Variants in TBC1D22A observed in about 807,000 individuals in gnomAD.
The protein encoded by TBC1D22A is TBC1 domain family member 22A, also known as putative GTPase activator.
In TBC1D22A, 38 loss-of-function variants were observed where a neutral mutation model predicts 60.2. The ratio of observed to expected loss-of-function variants is 0.63; its 90% confidence interval spans 0.49 to 0.83. TBC1D22A has a LOEUF of 0.83. Among genes scored for constraint, TBC1D22A ranks in the 40% least tolerant of loss-of-function variants. The pLI is 0.00. For missense variants in TBC1D22A, 628 were observed against 701.0 expected (o/e 0.90, Z 1.18); for synonymous variants, 302 against 281.7 (o/e 1.07, Z -0.72).
chr22:46,826,947 T>G (rs1191728239), intron 4 of TBC1D22A, among the ~76,000 whole-genome samples: 1 of 149,864 alleles, frequency 6.7e-6, no homozygotes, highest in African/African-American at 2.4e-5. Flanking sequence ...TAGTTTCCGT[T>G]TTTTTTTTTT....
Position 46,956,550 on chromosome 22 carries a change from A to G in TBC1D22A, c.1016-17740A>G, listed in dbSNP as rs2073202551. Among the ~76,000 whole-genome samples the G allele has an allele frequency of 4.6e-5, 7 of 152,348 alleles. 1 individual carries two copies. The South Asian group carries it at 1.5e-3, about 32-fold the overall frequency. ...ATAGAGAGACTTAGAAGAAGCAGAG[A>G]GAAGCCACTTCCTTTTCAGGGGTCA... On this transcript the variant is annotated intron_variant, in intron 8 of 12. Transcript: ENST00000337137.
chr22:46,776,939 C>CT (rs2083731788), intron 1 of TBC1D22A, among the ~76,000 whole-genome samples: 1 of 151,924 alleles, frequency 6.6e-6, no homozygotes, highest in African/African-American at 2.4e-5. Flanking sequence ...GACCCATCCT[C>CT]TGATGGGCAC....
At chr22:46,862,955 G>A (rs1455411522) in intron 4 of TBC1D22A, among the ~76,000 whole-genome samples, 7 of 152,224 alleles carry the variant, frequency 4.6e-5, no homozygotes, top group African/African-American at 1.7e-4. Context: ...CCTGTAGGTA[G>A]AGTGTCTCTG....
intron 11 of TBC1D22A, among the ~76,000 whole-genome samples, chr22:47,093,640 A>AC (rs1277155577): frequency 6.6e-6 from 1 of 152,180 alleles, no homozygotes; most frequent in East Asian, 1.9e-4. Flanking sequence ...GGACCTAGGA[A>AC]CACAGCCCTG....
chr22:46,907,580 ATCCTCGCCTCCACCG>A (rs1209850812), intron 7 of TBC1D22A, among the ~76,000 whole-genome samples: 16 of 152,264 alleles, frequency 1.1e-4, no homozygotes, highest in Middle Eastern at 3.4e-3. Context: ...CAGCTGCGCC[ATCCTCGCCTCCACCG>A]TCCTCGCCTC....
At chr22:47,004,056 C>G (rs1393175034) in intron 10 of TBC1D22A, among the ~76,000 whole-genome samples, 1 of 149,120 alleles carries the variant, frequency 6.7e-6, no homozygotes, top group Non-Finnish European at 1.5e-5. Context: ...CCTATATACA[C>G]ACACCCCTAC....
chr22:46,858,135 C>T (rs1032212926), intron 4 of TBC1D22A, among the ~76,000 whole-genome samples: 4 of 152,190 alleles, frequency 2.6e-5, no homozygotes, highest in African/African-American at 9.7e-5. Context: ...AACATTGTCA[C>T]CATCCTTCTG....
chr22:46,935,415 G>A (rs575111950), intron 8 of TBC1D22A, among the ~76,000 whole-genome samples: 3 of 152,260 alleles, frequency 2.0e-5, no homozygotes, highest in African/African-American at 7.2e-5. Flanking sequence ...TACTGAGTTC[G>A]CACAGTGAAT....
intron 8 of TBC1D22A, chr22:46,915,947 T>G: frequency 2.3e-6 from 1 of 443,466 alleles, no homozygotes; most frequent in South Asian, 1.6e-5. Flanking sequence ...CAGTGTTACG[T>G]TCTTTGACTT....
intron 1 of TBC1D22A, among the ~76,000 whole-genome samples, chr22:46,788,097 CG>C (rs1348615963): frequency 6.6e-6 from 1 of 151,956 alleles, no homozygotes; most frequent in Non-Finnish European, 1.5e-5. Context: ...CCACCACGAC[CG>C]GGTAATTTTT....
chr22:46,960,988 C>T (rs1333240783), intron 8 of TBC1D22A, among the ~76,000 whole-genome samples: 8 of 146,848 alleles, frequency 5.4e-5, no homozygotes, highest in African/African-American at 2.0e-4. Flanking sequence ...GATACCCAGT[C>T]CGTAGCTAAG....
At position 46,985,658 on chromosome 22, in the gene TBC1D22A, G is replaced by C. The variant is rs2074695125; in HGVS notation, c.1125+11259G>C. ...TCTATCACAGTTTATCCATCCTCCT[G>C]TTGGTGGCAGCCGAGGCTGTTTCTG... On this transcript the variant is annotated intron_variant, in intron 9 of 12. Transcript: ENST00000337137. Among the ~76,000 whole-genome samples, 3 of 152,308 alleles carry C rather than the reference G, an allele frequency of 2.0e-5. No homozygotes were observed. The South Asian group carries it at 6.2e-4, about 32-fold the overall frequency.
At chr22:47,096,359 T>C (rs1263144793) in intron 11 of TBC1D22A, among the ~76,000 whole-genome samples, 1 of 152,194 alleles carries the variant, frequency 6.6e-6, no homozygotes. Context: ...TTGTGGATTC[T>C]TTGGAGGATT....
intron 12 of TBC1D22A, among the ~76,000 whole-genome samples, chr22:47,153,272 AGTCATGTG>A (rs1225911905): frequency 6.6e-6 from 1 of 152,186 alleles, no homozygotes; most frequent in East Asian, 1.9e-4. Context: ...TCATGAACTG[AGTCATGTG>A]GTCATATCTG....
intron 11 of TBC1D22A, among the ~76,000 whole-genome samples, chr22:47,098,471 C>T (rs1376860614): frequency 6.6e-6 from 1 of 152,228 alleles, no homozygotes; most frequent in Non-Finnish European, 1.5e-5. Context: ...AGGAACTGGA[C>T]ACTCTTCCCT....
At chr22:46,865,276 A>G (rs183797878) in intron 4 of TBC1D22A, among the ~76,000 whole-genome samples, 168 of 152,266 alleles carry the variant, frequency 1.1e-3, no homozygotes, top group African/African-American at 3.8e-3. Flanking sequence ...AGTGACGGGC[A>G]GATGTTTTAT....
chr22:47,024,092 C>G (rs373437559), intron 10 of TBC1D22A, among the ~76,000 whole-genome samples: 1 of 152,152 alleles, frequency 6.6e-6, no homozygotes, highest in Non-Finnish European at 1.5e-5. Context: ...GGAAGTACAT[C>G]GTGGTAAGGC....
intron 1 of TBC1D22A, among the ~76,000 whole-genome samples, chr22:46,773,125 C>T (rs2083560079): frequency 6.6e-6 from 1 of 152,204 alleles, no homozygotes; most frequent in Admixed American, 6.5e-5. Context: ...CCTTCTCTGG[C>T]AGGCTCAGCA....
intron 11 of TBC1D22A, among the ~76,000 whole-genome samples, chr22:47,054,722 C>G: frequency 6.6e-6 from 1 of 152,146 alleles, no homozygotes; most frequent in East Asian, 1.9e-4. Context: ...TGGTGGGCGC[C>G]TGGGAGGTGG....
Sources: allele counts gnomAD v4.1 joint callset (sites outside exome capture counted in the v4.1 genomes callset), GRCh38; gene constraint gnomAD v4.1.1; transcripts MANE v1.5; gene names NCBI Gene and HGNC (gene_info 2026-07-23, HGNC 2026-07-21).